Variants in FBXL20 observed in about 807,000 individuals in gnomAD.
The protein encoded by FBXL20 is F-box and leucine rich repeat protein 20.
In FBXL20, 11 loss-of-function variants were observed where a neutral mutation model predicts 64.0. The ratio of observed to expected loss-of-function variants is 0.17; its 90% CI spans 0.11 to 0.28. The LOEUF is 0.28. FBXL20 is among the 10% of genes least tolerant of loss of function. FBXL20 has a pLI of 1.00. For missense variants in FBXL20, 303 were observed against 526.2 expected, an observed-to-expected ratio of 0.58 and a Z score of 4.15; for synonymous variants, 184 against 189.0, an observed-to-expected ratio of 0.97 and a Z score of 0.22.
intron 12 of FBXL20, among the ~76,000 whole-genome samples, chr17:39,265,741 T>G (rs1175768916): frequency 1.3e-5 from 2 of 151,284 alleles, no homozygotes; most frequent in African/African-American, 4.9e-5. Context: ...CAGGCTGCTC[T>G]TGAATTCCTG....
intron 2 of FBXL20, among the ~76,000 whole-genome samples, chr17:39,337,284 A>G (rs1053279899): frequency 1.3e-5 from 2 of 152,184 alleles, no homozygotes; most frequent in African/African-American, 4.8e-5. Context: ...TCGTTCACTC[A>G]GTGCTCAATG....
At chr17:39,389,959 A>G (rs1294083700) in intron 1 of FBXL20, among the ~76,000 whole-genome samples, 1 of 152,200 alleles carries the variant, frequency 6.6e-6, no homozygotes, top group African/African-American at 2.4e-5. Flanking sequence ...TTGCTGATCC[A>G]GTGTTTTAGA....
chr17:39,312,156 C>A (rs905507989), intron 2 of FBXL20, among the ~76,000 whole-genome samples: 4 of 152,112 alleles, frequency 2.6e-5, no homozygotes, highest in Non-Finnish European at 5.9e-5. Flanking sequence ...GTGGCTCACG[C>A]CTGTAATCCC....
intron 1 of FBXL20, among the ~76,000 whole-genome samples, chr17:39,362,051 G>T (rs1267140281): frequency 6.6e-6 from 1 of 151,324 alleles, no homozygotes; most frequent in Non-Finnish European, 1.5e-5. Context: ...ACTTTGGGAG[G>T]CCAAGGCGGG....
intron 1 of FBXL20, among the ~76,000 whole-genome samples, chr17:39,376,349 T>C (rs1195409653): frequency 6.6e-6 from 1 of 152,158 alleles, no homozygotes; most frequent in Non-Finnish European, 1.5e-5. Context: ...TAGTCACTGC[T>C]GACTGAGGGA....
rs182771273 is a variant in FBXL20, at chr17:39,372,668, T to A, written c.42+28693A>T. Among the ~76,000 whole-genome samples the A allele has an allele frequency of 8.0e-5, 12 of 150,314 alleles. No individual in the cohort carries two copies. The East Asian group carries it at 2.4e-3, about 30-fold the overall frequency. ...TTCGCTCTTGTTGCCCAGGCTGTAGTGCAATGGTGCAATCTCGGCTCACTG... is the reference window on the plus strand; with the variant it reads ...TTCGCTCTTGTTGCCCAGGCTGTAGAGCAATGGTGCAATCTCGGCTCACTG... On this transcript the variant is annotated intron_variant, in intron 1 of 14. Coordinates refer to ENST00000264658, the MANE Select transcript of FBXL20 (RefSeq NM_032875.3).
At chr17:39,293,301 A>G (rs999812456) in intron 6 of FBXL20, among the ~76,000 whole-genome samples, 1 of 151,310 alleles carries the variant, frequency 6.6e-6, no homozygotes, top group African/African-American at 2.4e-5. Flanking sequence ...GGCTCACTGC[A>G]ACCTCCGCAT....
At chr17:39,275,316 T>C (rs1359577548) in intron 9 of FBXL20, among the ~76,000 whole-genome samples, 2 of 152,190 alleles carry the variant, frequency 1.3e-5, no homozygotes, top group East Asian at 1.9e-4. Context: ...GAAGCTATAA[T>C]AGAATCCTGT....
chr17:39,356,400 G>A (rs2047740914), intron 1 of FBXL20, among the ~76,000 whole-genome samples: 1 of 151,980 alleles, frequency 6.6e-6, no homozygotes, highest in Non-Finnish European at 1.5e-5. Flanking sequence ...CTGTCACTGA[G>A]GCTGGAGTAC....
intron 6 of FBXL20, among the ~76,000 whole-genome samples, chr17:39,295,784 G>GAGATATATATATATATATATAT (rs758714135): frequency 2.9e-5 from 4 of 137,066 alleles, no homozygotes; most frequent in African/African-American, 8.0e-5. Context: ...CAAATATGGA[G>GAGATATATATATATATATATAT]ATATATATAT....
At chr17:39,333,753 C>T (rs557380411) in intron 2 of FBXL20, among the ~76,000 whole-genome samples, 12 of 151,468 alleles carry the variant, frequency 7.9e-5, no homozygotes, top group African/African-American at 1.5e-4. Flanking sequence ...GCCTCTGCCC[C>T]GCCGCCCCGT....
chr17:39,273,329 C>A (rs2046863358), intron 10 of FBXL20, among the ~76,000 whole-genome samples: 1 of 152,070 alleles, frequency 6.6e-6, no homozygotes, highest in Non-Finnish European at 1.5e-5. Flanking sequence ...AAAGTTCTTT[C>A]AACAATTATG....
chr17:39,355,263 C>T (rs369780208), intron 1 of FBXL20, among the ~76,000 whole-genome samples: 4 of 151,726 alleles, frequency 2.6e-5, no homozygotes, highest in South Asian at 4.2e-4. Context: ...ACTATGGCCA[C>T]GCCTGTAATC....
At chr17:39,363,637 C>T (rs1226480100) in intron 1 of FBXL20, among the ~76,000 whole-genome samples, 1 of 151,534 alleles carries the variant, frequency 6.6e-6, no homozygotes, top group African/African-American at 2.4e-5. Flanking sequence ...TGATGAGGCC[C>T]CTCCTCTAGA....
At chr17:39,341,389 T>C (rs189005464) in intron 2 of FBXL20, among the ~76,000 whole-genome samples, 13 of 152,270 alleles carry the variant, frequency 8.5e-5, no homozygotes, top group Admixed American at 4.6e-4. Flanking sequence ...ATGATAAAAA[T>C]GTTGCTATAG....
intron 10 of FBXL20, 77 bp downstream of exon 10, chr17:39,274,893 C>G: frequency 6.3e-7 from 1 of 1,584,896 alleles, no homozygotes; most frequent in Non-Finnish European, 8.5e-7. Flanking sequence ...CTTAAAATTC[C>G]AAAGTTCCAA....
At chr17:39,264,411 G>A (rs751158807) in intron 13 of FBXL20, 24 bp from the exon 14 acceptor site, 246 of 1,604,804 alleles carry the variant, frequency 1.5e-4, no homozygotes, top group Non-Finnish European at 2.1e-4. Context: ...GAGCAAGGAA[G>A]GATGTTGAAA....
intron 2 of FBXL20, among the ~76,000 whole-genome samples, chr17:39,308,566 T>C (rs905031457): frequency 7.1e-5 from 9 of 127,512 alleles, no homozygotes; most frequent in Non-Finnish European, 1.4e-4. Flanking sequence ...TTTAATACAA[T>C]AATTTTTTTT....
At chr17:39,306,833 C>T (rs921951032) in intron 2 of FBXL20, among the ~76,000 whole-genome samples, 1 of 152,150 alleles carries the variant, frequency 6.6e-6, no homozygotes, top group Non-Finnish European at 1.5e-5. Context: ...ATGTAAGGGA[C>T]TGTTTAAAAC....
Sources: allele counts gnomAD v4.1 joint callset (sites outside exome capture counted in the v4.1 genomes callset), GRCh38; gene constraint gnomAD v4.1.1; transcripts MANE v1.5; gene names NCBI Gene and HGNC (gene_info 2026-07-23, HGNC 2026-07-21).